DMD: variants seen among roughly 807,000 people sequenced by gnomAD.
DMD encodes dystrophin, also known as mutant dystrophin.
In DMD, 63 loss-of-function variants were observed where a neutral mutation model predicts 330.1. The observed-to-expected ratio is 0.19, with a 90% CI of 0.16 to 0.24. The LOEUF (loss-of-function observed/expected upper bound fraction) is 0.24. Among genes scored for constraint, DMD ranks in the 10% least tolerant of loss-of-function variants. DMD has a pLI of 1.00. For synonymous variants in DMD, 1,223 were observed against 959.8 expected (o/e 1.27, Z -5.07); for missense variants, 3,344 against 2,684.1 (o/e 1.25, Z -5.43).
intron 11 of DMD, among the ~76,000 whole-genome samples, chrX:32,618,442 A>G (rs186408227): frequency 1.3e-3 from 142 of 111,770 alleles, no homozygotes; most frequent in African/African-American, 4.5e-3. Flanking sequence ...GTTCTCACTT[A>G]TAAGTGGGAG....
chrX:33,174,059 C>T (rs1440628548), intron 1 of DMD, among the ~76,000 whole-genome samples: 1 of 104,264 alleles, frequency 9.6e-6, no homozygotes, highest in African/African-American at 3.5e-5. Context: ...AAAAAAGAAT[C>T]CCCAGAATCC....
At chrX:32,738,156 G>C (rs188914008) in intron 7 of DMD, among the ~76,000 whole-genome samples, 3 of 111,693 alleles carry the variant, frequency 2.7e-5, no homozygotes, top group Non-Finnish European at 5.7e-5. Flanking sequence ...CCAGTGACTT[G>C]GTTAGAAGTT....
intron 2 of DMD, among the ~76,000 whole-genome samples, chrX:32,894,871 A>G (rs2085562391): frequency 8.9e-6 from 1 of 112,501 alleles, no homozygotes; most frequent in African/African-American, 3.2e-5. Context: ...CCGCAGGGAC[A>G]ATACAAGTGT....
chrX:33,207,518 A>C (rs1009875847), intron 1 of DMD, among the ~76,000 whole-genome samples: 1 of 111,619 alleles, frequency 9.0e-6, no homozygotes, highest in African/African-American at 3.3e-5. Flanking sequence ...TGGAAGACAC[A>C]TTCACTTTTA....
intron 44 of DMD, among the ~76,000 whole-genome samples, chrX:32,057,913 T>C (rs961586813): frequency 1.8e-5 from 2 of 110,812 alleles, no homozygotes; most frequent in African/African-American, 6.5e-5. Context: ...TGGAACAGAA[T>C]AGAGATCCCA....
intron 54 of DMD, among the ~76,000 whole-genome samples, chrX:31,641,496 C>T (rs1373137802): frequency 3.6e-5 from 3 of 84,413 alleles, no homozygotes; most frequent in African/African-American, 1.4e-4. Flanking sequence ...AGCGAGACTC[C>T]GTCTCAAAAA....
chrX:31,450,867 G>A (rs899040385), intron 59 of DMD, among the ~76,000 whole-genome samples: 3 of 111,572 alleles, frequency 2.7e-5, no homozygotes, highest in Non-Finnish European at 3.8e-5. Context: ...GAGAAGGTGT[G>A]GTGGGACATG....
chrX:31,760,489 A>T (rs894992633), intron 51 of DMD, among the ~76,000 whole-genome samples: 4 of 111,921 alleles, frequency 3.6e-5, no homozygotes, highest in African/African-American at 1.3e-4. Flanking sequence ...ATACACAAAT[A>T]CTTGCCATCG....
intron 71 of DMD, 141 bp downstream of exon 71, chrX:31,177,791 A>G: frequency 1.7e-6 from 1 of 573,969 alleles, no homozygotes. Flanking sequence ...AAAAAAAAAA[A>G]CTGAAATGAA....
chrX:31,176,653 G>A (rs1042595298), intron 71 of DMD, among the ~76,000 whole-genome samples: 1 of 111,166 alleles, frequency 9.0e-6, no homozygotes. Context: ...ATTTATGAAC[G>A]GTTGTAACTT....
chrX:32,511,055 G>T (rs190965982), intron 18 of DMD, among the ~76,000 whole-genome samples: 1 of 108,012 alleles, frequency 9.3e-6, no homozygotes, highest in African/African-American at 3.4e-5. Flanking sequence ...CAAGACCAAG[G>T]GTATCATCTG....
At chrX:31,698,614 A>T (rs1278505139) in intron 52 of DMD, among the ~76,000 whole-genome samples, 2 of 112,452 alleles carry the variant, frequency 1.8e-5, no homozygotes, top group African/African-American at 6.5e-5. Context: ...AGACCTATCT[A>T]TAGTTAAGCT....
At chrX:31,910,506 C>T (rs1269911101) in intron 47 of DMD, among the ~76,000 whole-genome samples, 6 of 112,305 alleles carry the variant, frequency 5.3e-5, no homozygotes, top group Non-Finnish European at 9.4e-5. Flanking sequence ...AGTTAAATTT[C>T]TCCTTGGACC....
In DMD at chrX:32,407,234, A is replaced by G. The variant is rs1400100112; in HGVS notation, c.4233+4518T>C. 2.7e-5 allele frequency among the ~76,000 whole-genome samples: 3 copies of G among 111,639 alleles called. No individual in the cohort carries two copies. In the East Asian group the frequency reaches 8.5e-4, roughly 31 times the overall value. Reference sequence around the variant, plus strand: ...TTTTCGCAACCTACTCCTCTGACAAAGGGCTAATATCCAGAATCTACAATG... The same window carrying G: ...TTTTCGCAACCTACTCCTCTGACAAGGGGCTAATATCCAGAATCTACAATG... On this transcript the variant is annotated intron_variant, in intron 30 of 78. Coordinates refer to ENST00000357033, the MANE Select transcript of DMD (RefSeq NM_004006.3).
At chrX:32,036,843 T>C (rs940333738) in intron 44 of DMD, among the ~76,000 whole-genome samples, 1 of 111,376 alleles carries the variant, frequency 9.0e-6, no homozygotes, top group Admixed American at 9.6e-5. Flanking sequence ...GTTAAGAGTG[T>C]AGAGTCATAT....
chrX:31,419,020 C>A (rs1030922557), intron 60 of DMD, among the ~76,000 whole-genome samples: 1 of 109,826 alleles, frequency 9.1e-6, no homozygotes, highest in Non-Finnish European at 1.9e-5. Flanking sequence ...TCTCAGCTCA[C>A]GGCAACTTCC....
intron 44 of DMD, among the ~76,000 whole-genome samples, chrX:32,194,445 A>T (rs1362463974): frequency 8.9e-6 from 1 of 111,766 alleles, no homozygotes; most frequent in Non-Finnish European, 1.9e-5. Flanking sequence ...AAATACCCAT[A>T]TTTGTGTCTA....
intron 1 of DMD, among the ~76,000 whole-genome samples, chrX:33,229,587 T>G (rs772837823): frequency 1.8e-5 from 2 of 111,872 alleles, no homozygotes; most frequent in Non-Finnish European, 3.8e-5. Context: ...GCGGGTCTAT[T>G]TCTGGAATCT....
At chrX:31,740,057 G>C (rs1429256459) in intron 51 of DMD, among the ~76,000 whole-genome samples, 1 of 110,505 alleles carries the variant, frequency 9.0e-6, no homozygotes, top group Non-Finnish European at 1.9e-5. Flanking sequence ...ATCCAAAAAT[G>C]AAAATGCCTT....
Sources: gnomAD v4.1 joint callset for allele counts (sites outside exome capture counted in the v4.1 genomes callset) on GRCh38, gnomAD v4.1.1 for gene constraint, MANE v1.5 for transcripts, NCBI Gene and HGNC (gene_info 2026-07-23, HGNC 2026-07-21) for gene names.